The following MORC3 variants were observed in gnomAD, a reference collection of about 807,000 sequenced individuals.
The protein encoded by MORC3 is MORC family CW-type zinc finger protein 3.
In MORC3, 31 loss-of-function variants were observed where a neutral mutation model predicts 109.1. That is an observed-to-expected ratio of 0.28 (90% CI 0.21 to 0.38). The LOEUF (loss-of-function observed/expected upper bound fraction) is 0.38, where lower values mean the gene tolerates loss of function less well. MORC3 is among the 10% of genes least tolerant of loss of function. The pLI, the probability that MORC3 is intolerant of heterozygous loss-of-function variation, is 1.00. For missense variants in MORC3, 867 were observed against 1,135.8 expected (o/e 0.76, Z 3.40); for synonymous variants, 395 against 380.7 (o/e 1.04, Z -0.44).
intron 1 of MORC3, among the ~76,000 whole-genome samples, chr21:36,321,309 G>A (rs1466853000): frequency 3.9e-5 from 6 of 152,092 alleles, no homozygotes; most frequent in Non-Finnish European, 7.4e-5. Context: ...TTCCTTGACT[G>A]TTTGTGTTGT....
chr21:36,353,266 A>G (rs950119472), intron 9 of MORC3, among the ~76,000 whole-genome samples: 54 of 145,044 alleles, frequency 3.7e-4, no homozygotes, highest in Non-Finnish European at 6.9e-4. Context: ...CAGAGGCAGG[A>G]GAATTGCTTG....
intron 5 of MORC3, among the ~76,000 whole-genome samples, chr21:36,340,361 CT>C (rs914974725): frequency 6.6e-5 from 10 of 151,948 alleles, no homozygotes; most frequent in African/African-American, 2.2e-4. Context: ...ATGCAGGACA[CT>C]TTAGTCATCA....
At chr21:36,320,526 C>G in intron 1 of MORC3, 1 of 379,668 alleles carries the variant, frequency 2.6e-6, no homozygotes, top group Non-Finnish European at 4.5e-6. Flanking sequence ...TGTTTTGCTT[C>G]GGGGCGGGCC....
intron 1 of MORC3, among the ~76,000 whole-genome samples, chr21:36,328,241 T>C (rs904537333): frequency 6.6e-5 from 10 of 152,048 alleles, no homozygotes; most frequent in Non-Finnish European, 1.3e-4. Flanking sequence ...ATTTGTTCTT[T>C]GTCCTGGTTC....
chr21:36,350,699 A>G (rs2085561186), intron 9 of MORC3, among the ~76,000 whole-genome samples: 1 of 152,196 alleles, frequency 6.6e-6, no homozygotes, highest in South Asian at 2.1e-4. Context: ...GACATGAAAC[A>G]TTAAGCAGAT....
Position 36,344,708 on chromosome 21 carries a change from G to A in MORC3, c.885+1G>A. 2 of 1,613,338 alleles carry A rather than the reference G, an allele frequency of 1.2e-6. No homozygotes were observed. The highest frequency in any genetic ancestry group is 1.7e-6 in the Non-Finnish European group (2 of 1,179,770). On this transcript the variant is annotated splice_donor_variant, in intron 7 of 16. Coordinates refer to ENST00000400485, the MANE Select transcript of MORC3 (RefSeq NM_015358.3). LOFTEE classifies it high-confidence loss of function. ...TGATGTTTATCGACCAAAATTTTTAGTATCCTTTTTCTGATTCCTTATAGA... is the reference window on the plus strand; with the variant it reads ...TGATGTTTATCGACCAAAATTTTTAATATCCTTTTTCTGATTCCTTATAGA...
intron 2 of MORC3, among the ~76,000 whole-genome samples, chr21:36,335,121 G>A (rs1569091324): frequency 6.6e-6 from 1 of 151,462 alleles, no homozygotes; most frequent in Non-Finnish European, 1.5e-5. Context: ...CCTGTCTCCA[G>A]AAAAAAGGAA....
At chr21:36,373,165 C>A (rs1244586519) in intron 16 of MORC3, among the ~76,000 whole-genome samples, 3 of 151,770 alleles carry the variant, frequency 2.0e-5, no homozygotes, top group Non-Finnish European at 2.9e-5. Context: ...CATGGTGAAA[C>A]CCTGTCTCTA....
chr21:36,338,728 T>G, intron 4 of MORC3, 46 bp from the exon 5 acceptor site: 1 of 1,494,302 alleles, frequency 6.7e-7, no homozygotes, highest in Non-Finnish European at 9.1e-7. Context: ...CATATTGTAA[T>G]TATGAAAACT....
At chr21:36,364,020 G>T in intron 13 of MORC3, 73 bp from the exon 14 acceptor site, 1 of 1,465,628 alleles carries the variant, frequency 6.8e-7, no homozygotes, top group Non-Finnish European at 9.3e-7. Flanking sequence ...GGAAGAGGAA[G>T]ATTATATCTT....
chr21:36,345,578 C>T (rs868318277), intron 8 of MORC3, among the ~76,000 whole-genome samples: 20 of 151,786 alleles, frequency 1.3e-4, no homozygotes, highest in African/African-American at 4.8e-4. Flanking sequence ...CGTGCCGCCA[C>T]GCCTGGCTAA....
intron 12 of MORC3, 167 bp from the exon 13 acceptor site, chr21:36,362,016 G>T (rs2085722642): frequency 1.4e-6 from 1 of 736,720 alleles, no homozygotes; most frequent in Non-Finnish European, 2.3e-6. Context: ...CTAAAATTAG[G>T]GTGCTACTGA....
chr21:36,321,494 G>A (rs2085193050), intron 1 of MORC3, among the ~76,000 whole-genome samples: 1 of 151,240 alleles, frequency 6.6e-6, no homozygotes, highest in African/African-American at 2.4e-5. Flanking sequence ...CTAGCTTATT[G>A]AGTGAGCTAG....
intron 14 of MORC3, among the ~76,000 whole-genome samples, chr21:36,366,279 C>G (rs2085780624): frequency 1.3e-5 from 2 of 152,258 alleles, no homozygotes; most frequent in Admixed American, 1.3e-4. Flanking sequence ...TAAGTGAGAA[C>G]ATGAAGTATT....
intron 1 of MORC3, among the ~76,000 whole-genome samples, chr21:36,327,814 T>A (rs1205720399): frequency 6.9e-6 from 1 of 145,650 alleles, no homozygotes; most frequent in African/African-American, 2.8e-5. Context: ...TGACTCCATT[T>A]TGATTTTTAG....
chr21:36,364,354 G>A (rs2085754460), intron 14 of MORC3, 95 bp downstream of exon 14: 1 of 1,317,708 alleles, frequency 7.6e-7, no homozygotes, highest in Admixed American at 2.3e-5. Context: ...GATCATTGTA[G>A]GTTCCATTGT....
intron 5 of MORC3, among the ~76,000 whole-genome samples, chr21:36,340,463 C>G (rs1298796190): frequency 1.3e-5 from 2 of 152,008 alleles, no homozygotes; most frequent in Admixed American, 6.6e-5. Context: ...CTAATCTGTT[C>G]TCTATTTCTA....
At chr21:36,369,975 C>T in intron 15 of MORC3, 99 bp downstream of exon 15, 1 of 1,415,966 alleles carries the variant, frequency 7.1e-7, no homozygotes, top group South Asian at 1.3e-5. Flanking sequence ...ACCTGTAATC[C>T]CACCACTTGG....
chr21:36,351,006 G>C (rs1036896992), intron 9 of MORC3, among the ~76,000 whole-genome samples: 3 of 141,304 alleles, frequency 2.1e-5, no homozygotes, highest in African/African-American at 7.8e-5. Context: ...TACTCTTCTA[G>C]TTACTTTGAA....
Sources: gnomAD v4.1 joint callset for allele counts (sites outside exome capture counted in the v4.1 genomes callset) on GRCh38, gnomAD v4.1.1 for gene constraint, MANE v1.5 for transcripts, NCBI Gene and HGNC (gene_info 2026-07-23, HGNC 2026-07-21) for gene names.